SMAP1: variants seen among roughly 807,000 people sequenced by gnomAD.
The protein encoded by SMAP1 is small ArfGAP 1.
In SMAP1, 24 loss-of-function variants were observed where a neutral mutation model predicts 58.5. The observed-to-expected ratio is 0.41, with a 90% CI of 0.30 to 0.58. The LOEUF (loss-of-function observed/expected upper bound fraction) is 0.58, where lower values mean the gene tolerates loss of function less well. SMAP1 is among the 20% of genes least tolerant of loss of function. SMAP1 has a pLI of 0.29. For synonymous variants in SMAP1, 216 were observed against 196.6 expected (o/e 1.10, Z -0.82); for missense variants, 563 against 566.3 (o/e 0.99, Z 0.06).
At chr6:70,743,566 C>G (rs929154690) in intron 2 of SMAP1, among the ~76,000 whole-genome samples, 44 of 152,272 alleles carry the variant, frequency 2.9e-4, no homozygotes, top group Non-Finnish European at 4.7e-4. Context: ...ACGTAATAAG[C>G]TTTCAGTAAA....
chr6:70,680,648 T>C (rs1766661758), intron 1 of SMAP1, among the ~76,000 whole-genome samples: 1 of 151,520 alleles, frequency 6.6e-6, no homozygotes, highest in Admixed American at 6.6e-5. Context: ...AAAAACATTA[T>C]ATTTACAAAA....
chr6:70,834,610 A>G (rs780475924), intron 6 of SMAP1, among the ~76,000 whole-genome samples: 22 of 152,200 alleles, frequency 1.4e-4, no homozygotes, highest in South Asian at 1.0e-3. Context: ...TCAGAGTATT[A>G]TAGGCTGTGA....
At chr6:70,804,112 T>C (rs961328152) in intron 6 of SMAP1, among the ~76,000 whole-genome samples, 4 of 152,154 alleles carry the variant, frequency 2.6e-5, no homozygotes, top group South Asian at 2.1e-4. Flanking sequence ...ATTATTGTTT[T>C]GTGAGAGCCT....
chr6:70,745,847 C>T (rs564916384), intron 2 of SMAP1, among the ~76,000 whole-genome samples: 13 of 152,246 alleles, frequency 8.5e-5, no homozygotes, highest in Admixed American at 2.0e-4. Context: ...TCTTTTATTT[C>T]GTTGAGCAGT....
chr6:70,842,236 C>T (rs17696335), intron 7 of SMAP1, among the ~76,000 whole-genome samples: 1,589 of 152,298 alleles, frequency 0.01, 13 homozygotes, highest in Non-Finnish European at 0.015. Context: ...TGTATTGCCT[C>T]TGCTCAGAAA....
chr6:70,728,115 A>G (rs1430484231), intron 1 of SMAP1, among the ~76,000 whole-genome samples: 1 of 152,080 alleles, frequency 6.6e-6, no homozygotes, highest in Non-Finnish European at 1.5e-5. Flanking sequence ...TCTCCTTCAC[A>G]TTGGTCTGGA....
At position 70,738,355 on chromosome 6, in the gene SMAP1, G is replaced by A. The variant is rs147984024; in HGVS notation, c.252+5844G>A. On this transcript the variant is annotated intron_variant, in intron 2 of 10. Coordinates refer to ENST00000370455, the MANE Select transcript of SMAP1 (RefSeq NM_001044305.3). ...GTTGGCACTCTCACATAAGTCAAAAGAGTGTGAAAAGATTCTCAGGTTAAA... is the reference window on the plus strand; with the variant it reads ...GTTGGCACTCTCACATAAGTCAAAAAAGTGTGAAAAGATTCTCAGGTTAAA... Among the ~76,000 whole-genome samples, 178 of 151,758 alleles carry A rather than the reference G, an allele frequency of 1.2e-3. 2 individuals are homozygous for A. The East Asian group carries it at 0.032, about 28-fold the overall frequency.
At position 70,816,297 on chromosome 6, in the gene SMAP1, A is replaced by G. The variant is rs551420345; in HGVS notation, c.576+17560A>G. 5.9e-5 allele frequency among the ~76,000 whole-genome samples: 9 copies of G among 152,280 alleles called. No individual in the cohort carries two copies. The South Asian group carries it at 6.2e-4, about 11-fold the overall frequency. On this transcript the variant is annotated intron_variant, in intron 6 of 10. Transcript: ENST00000370455. ...ATAAAGATAATATTGAGAGAGCCTTAAATTTCGTGATAAATAGTGGATTGT... is the reference window on the plus strand; with the variant it reads ...ATAAAGATAATATTGAGAGAGCCTTGAATTTCGTGATAAATAGTGGATTGT...
At chr6:70,777,493 A>T (rs1044579567) in intron 4 of SMAP1, among the ~76,000 whole-genome samples, 3 of 151,894 alleles carry the variant, frequency 2.0e-5, no homozygotes, top group Admixed American at 6.6e-5. Context: ...AGTTCCTTGT[A>T]TATTATGGAT....
intron 7 of SMAP1, among the ~76,000 whole-genome samples, chr6:70,845,025 A>T (rs949131104): frequency 6.6e-6 from 1 of 152,214 alleles, no homozygotes; most frequent in Admixed American, 6.5e-5. Flanking sequence ...TGGAAGAAGA[A>T]TTAGATTTGG....
chr6:70,814,869 C>A (rs1769550639), intron 6 of SMAP1, among the ~76,000 whole-genome samples: 1 of 152,166 alleles, frequency 6.6e-6, no homozygotes, highest in East Asian at 1.9e-4. Context: ...CACTTACCAT[C>A]TTATCAACAC....
At chr6:70,784,601 T>C (rs372672195) in intron 4 of SMAP1, among the ~76,000 whole-genome samples, 1 of 151,954 alleles carries the variant, frequency 6.6e-6, no homozygotes, top group South Asian at 2.1e-4. Flanking sequence ...TAAAGGGATG[T>C]AGGAAGATCT....
intron 4 of SMAP1, among the ~76,000 whole-genome samples, chr6:70,790,291 C>T: frequency 6.6e-6 from 1 of 152,134 alleles, no homozygotes; most frequent in Non-Finnish European, 1.5e-5. Flanking sequence ...CAGGCATGCA[C>T]CACCACACCT....
At chr6:70,835,728 A>G (rs1770554409) in intron 6 of SMAP1, among the ~76,000 whole-genome samples, 1 of 152,108 alleles carries the variant, frequency 6.6e-6, no homozygotes, top group Non-Finnish European at 1.5e-5. Context: ...GCTGGTCTCA[A>G]ACTCCTGGGC....
chr6:70,789,838 G>T (rs1225642515), intron 4 of SMAP1, among the ~76,000 whole-genome samples: 1 of 151,658 alleles, frequency 6.6e-6, no homozygotes, highest in Non-Finnish European at 1.5e-5. Flanking sequence ...CAGCCTGGGT[G>T]ACAGAGTGAG....
chr6:70,783,268 A>G (rs1292839354), intron 4 of SMAP1, among the ~76,000 whole-genome samples: 1 of 152,206 alleles, frequency 6.6e-6, no homozygotes, highest in Non-Finnish European at 1.5e-5. Context: ...AAACTAACAA[A>G]CAGAAAGGAC....
At chr6:70,679,104 T>C (rs1429474836) in intron 1 of SMAP1, among the ~76,000 whole-genome samples, 15 of 151,710 alleles carry the variant, frequency 9.9e-5, no homozygotes, top group African/African-American at 3.6e-4. Context: ...GCTCACTGCA[T>C]CCTCTGCCTC....
chr6:70,845,822 C>T (rs1770965728), intron 7 of SMAP1, among the ~76,000 whole-genome samples: 1 of 152,172 alleles, frequency 6.6e-6, no homozygotes, highest in Admixed American at 6.5e-5. Flanking sequence ...CAGTGATGCA[C>T]TGAGGTTTGG....
chr6:70,791,364 C>T (rs993301037), intron 4 of SMAP1, among the ~76,000 whole-genome samples: 2 of 152,034 alleles, frequency 1.3e-5, no homozygotes, highest in Admixed American at 6.6e-5. Flanking sequence ...ATAGTCACGT[C>T]GACTAAAGAT....
Sources: allele counts gnomAD v4.1 joint callset (sites outside exome capture counted in the v4.1 genomes callset), GRCh38; gene constraint gnomAD v4.1.1; transcripts MANE v1.5; gene names NCBI Gene and HGNC (gene_info 2026-07-23, HGNC 2026-07-21).